The following MYO16 variants were observed in gnomAD, a reference collection of about 807,000 sequenced individuals.
The protein encoded by MYO16 is unconventional myosin-XVI.
MYO16 carries 94 observed loss-of-function variants against 205.3 expected under a neutral mutation model. The observed-to-expected ratio is 0.46, with a 90% CI of 0.39 to 0.54. The LOEUF (loss-of-function observed/expected upper bound fraction) is 0.54, where lower values mean the gene tolerates loss of function less well. Ranked by LOEUF, MYO16 falls within the 20% of genes least tolerant of loss-of-function variation. MYO16 has a pLI of 0.00. For synonymous variants in MYO16, 988 were observed against 954.0 expected (o/e 1.04, Z -0.66); for missense variants, 2,315 against 2,387.5 (o/e 0.97, Z 0.63).
intron 1 of MYO16, among the ~76,000 whole-genome samples, chr13:108,633,874 G>A (rs1339832806): frequency 6.6e-6 from 1 of 152,160 alleles, no homozygotes; most frequent in African/African-American, 2.4e-5. Context: ...AACACACCCA[G>A]AAGCTGCTCC....
At chr13:108,634,918 C>T (rs1030435106) in intron 1 of MYO16, among the ~76,000 whole-genome samples, 1 of 152,180 alleles carries the variant, frequency 6.6e-6, no homozygotes, top group African/African-American at 2.4e-5. Context: ...TCCCCTTAGG[C>T]AGCCCTCCCT....
intron 6 of MYO16, among the ~76,000 whole-genome samples, chr13:108,794,491 G>A (rs1032702920): frequency 4.6e-5 from 7 of 152,110 alleles, no homozygotes; most frequent in African/African-American, 1.4e-4. Flanking sequence ...ACTTATAGGA[G>A]CATGCTTTCA....
chr13:109,140,193 C>A lies in MYO16; in HGVS notation c.4052-71C>A. The A allele has an allele frequency of 6.4e-7, 1 of 1,561,670 alleles. No individual in the cohort carries two copies. Among genetic ancestry groups the A allele is most frequent in the Non-Finnish European group, 8.6e-7 (1 of 1,162,798 alleles). ...CACGGGGCCGTGGCTCCCTCCGAGT[C>A]GAGCCCCGGGCTTGGTGGGCACCCG... On this transcript the variant is annotated intron_variant, in intron 31 of 34. Coordinates refer to ENST00000457511, the MANE Select transcript of MYO16 (RefSeq NM_001198950.3). The surrounding 1 kb of genome is among the most constrained non-coding windows in gnomAD (Gnocchi z 8.0).
intron 14 of MYO16, among the ~76,000 whole-genome samples, chr13:108,891,898 C>G (rs988236466): frequency 5.3e-5 from 8 of 152,136 alleles, no homozygotes; most frequent in African/African-American, 1.9e-4. Context: ...TTTTATCTGG[C>G]TGCTACAGTT....
At chr13:109,022,199 G>A (rs1021049387) in intron 23 of MYO16, among the ~76,000 whole-genome samples, 3 of 128,412 alleles carry the variant, frequency 2.3e-5, no homozygotes, top group South Asian at 4.8e-4. Flanking sequence ...TATTTATAAT[G>A]TATTTATAAT....
intron 22 of MYO16, among the ~76,000 whole-genome samples, chr13:109,015,368 A>G (rs537430702): frequency 1.3e-5 from 2 of 152,224 alleles, no homozygotes; most frequent in South Asian, 2.1e-4. Flanking sequence ...GTTTGCCAGT[A>G]TTTTATTGAG....
At chr13:108,743,815 G>C (rs929921586) in intron 4 of MYO16, among the ~76,000 whole-genome samples, 1 of 152,202 alleles carries the variant, frequency 6.6e-6, no homozygotes, top group African/African-American at 2.4e-5. Flanking sequence ...TACTTTACAT[G>C]AAGCGGCTTA....
At chr13:108,735,579 T>C (rs1594250474) in intron 4 of MYO16, among the ~76,000 whole-genome samples, 1 of 151,156 alleles carries the variant, frequency 6.6e-6, no homozygotes, top group South Asian at 2.1e-4. Flanking sequence ...TCTTTGCTAT[T>C]GTGAATAGTG....
At chr13:108,961,729 C>T (rs577966399) in intron 18 of MYO16, 73 bp downstream of exon 18, 3 of 1,222,396 alleles carry the variant, frequency 2.5e-6, no homozygotes, top group South Asian at 1.2e-5. Flanking sequence ...TAGATGGCGA[C>T]ATAGTACAGA....
At chr13:108,588,330 A>C in the MYO16 span, among the ~76,000 whole-genome samples, 1 of 152,156 alleles carries the variant, frequency 6.6e-6, no homozygotes, top group African/African-American at 2.4e-5. Flanking sequence ...CCTAGGCTGT[A>C]CTGGTCACAG....
chr13:109,083,882 A>G (rs1286392336), intron 27 of MYO16, among the ~76,000 whole-genome samples: 5 of 152,198 alleles, frequency 3.3e-5, no homozygotes, highest in African/African-American at 1.2e-4. Context: ...GCTTTTGTGA[A>G]GTCATAGCTT....
intron 16 of MYO16, 76 bp from the exon 17 acceptor site, chr13:108,957,611 AC>A (rs1183392057): frequency 3.2e-6 from 3 of 951,356 alleles, no homozygotes; most frequent in Non-Finnish European, 5.0e-6. Context: ...GAGATCAAAT[AC>A]GGCAGAAGTG....
At chr13:108,762,813 G>A (rs729547) in intron 4 of MYO16, among the ~76,000 whole-genome samples, 79,412 of 151,870 alleles carry the variant, frequency 0.52, 21,342 homozygotes, top group East Asian at 0.63. Context: ...TTAGGGGCTA[G>A]GTTTGGAGAA....
intron 32 of MYO16, among the ~76,000 whole-genome samples, chr13:109,143,605 A>G (rs923023732): frequency 1.1e-4 from 16 of 151,626 alleles, no homozygotes; most frequent in African/African-American, 3.9e-4. Flanking sequence ...AAGTTAATGA[A>G]TTTCTAGACA....
At chr13:109,060,769 T>C (rs1245383634) in intron 27 of MYO16, among the ~76,000 whole-genome samples, 2 of 152,156 alleles carry the variant, frequency 1.3e-5, no homozygotes, top group Non-Finnish European at 1.5e-5. Flanking sequence ...TTGCAAATGA[T>C]AATTGGCTTC....
At position 108,838,690 on chromosome 13, in the gene MYO16, T is replaced by TATACAC. The variant is rs1487944143; in HGVS notation, c.1098-5652_1098-5651insTACACA. On this transcript the variant is annotated intron_variant, in intron 9 of 34. Coordinates refer to ENST00000457511, the MANE Select transcript of MYO16 (RefSeq NM_001198950.3). ...CAAAAAAAAAAAAAATATATATATATACACACACACACACACACACTATAC... is the reference window on the plus strand; with the variant it reads ...CAAAAAAAAAAAAAATATATATATATATACACACACACACACACACACACACTATAC... Among the ~76,000 whole-genome samples the TATACAC allele has an allele frequency of 1.2e-3, 169 of 135,946 alleles. 1 individual carries two copies. The highest frequency in any genetic ancestry group is 4.1e-3 in the African/African-American group (146 of 35,834). The allele number at this position is 135,946 out of a possible 152,430, so 89.2% of individuals were successfully genotyped here.
chr13:108,503,740 T>C, the MYO16 span, among the ~76,000 whole-genome samples: 4 of 152,166 alleles, frequency 2.6e-5, no homozygotes, highest in Non-Finnish European at 5.9e-5. Context: ...AAATAAATTA[T>C]ATATGTAATA....
At chr13:109,191,618 C>G (rs1879920204) in intron 34 of MYO16, among the ~76,000 whole-genome samples, 1 of 152,026 alleles carries the variant, frequency 6.6e-6, no homozygotes, top group Non-Finnish European at 1.5e-5. Flanking sequence ...AAGGGAGCAG[C>G]CAAGGCCCTG....
intron 2 of MYO16, among the ~76,000 whole-genome samples, chr13:108,677,334 T>TGG (rs1882261586): frequency 7.5e-6 from 1 of 132,562 alleles, no homozygotes; most frequent in African/African-American, 3.5e-5. Flanking sequence ...TGTGTGTGTG[T>TGG]GTATATATAT....
Sources: allele counts gnomAD v4.1 joint callset (sites outside exome capture counted in the v4.1 genomes callset), GRCh38; gene constraint gnomAD v4.1.1; non-coding constraint Gnocchi (gnomAD v3.1); transcripts MANE v1.5; gene names NCBI Gene and HGNC (gene_info 2026-07-23, HGNC 2026-07-21).